CADM2: variants seen among roughly 807,000 people sequenced by gnomAD.
The protein encoded by CADM2 is cell adhesion molecule 2.
A neutral mutation model predicts 49.8 loss-of-function variants in CADM2; 12 were observed. The ratio of observed to expected loss-of-function variants is 0.24; its 90% CI spans 0.15 to 0.39. The LOEUF is 0.39. CADM2 is among the 10% of genes least tolerant of loss of function. The pLI, the probability that CADM2 is intolerant of heterozygous loss-of-function variation, is 1.00. For missense variants in CADM2, 378 were observed against 492.3 expected, an observed-to-expected ratio of 0.77 and a Z score of 2.20; for synonymous variants, 214 against 175.4, an observed-to-expected ratio of 1.22 and a Z score of -1.74.
chr3:85,411,156 G>C (rs1237229686), intron 1 of CADM2, among the ~76,000 whole-genome samples: 1 of 152,184 alleles, frequency 6.6e-6, no homozygotes, highest in Non-Finnish European at 1.5e-5. Context: ...GTTGTAAACT[G>C]ATCTATTGTG....
intron 3 of CADM2, among the ~76,000 whole-genome samples, chr3:85,821,069 AC>A (rs1449697072): frequency 1.3e-5 from 2 of 152,284 alleles, no homozygotes; most frequent in East Asian, 3.9e-4. Context: ...TTTGATGAGT[AC>A]CTATCCTTAT....
chr3:84,965,872 T>A (rs1369718816), intron 1 of CADM2, among the ~76,000 whole-genome samples: 1 of 152,184 alleles, frequency 6.6e-6, no homozygotes, highest in Non-Finnish European at 1.5e-5. Flanking sequence ...TTGTGTTATG[T>A]CACATCAATA....
At chr3:85,731,890 G>A (rs1172175515) in intron 2 of CADM2, among the ~76,000 whole-genome samples, 1 of 151,754 alleles carries the variant, frequency 6.6e-6, no homozygotes, top group East Asian at 1.9e-4. Context: ...AAGTAATGAG[G>A]CCATAATATA....
intron 1 of CADM2, among the ~76,000 whole-genome samples, chr3:85,263,194 G>A (rs922001921): frequency 6.6e-6 from 1 of 151,668 alleles, no homozygotes; most frequent in African/African-American, 2.4e-5. Context: ...GGGTTTCACC[G>A]TGTTGCCCAG....
chr3:85,368,272 T>C (rs1461514109), intron 1 of CADM2, among the ~76,000 whole-genome samples: 1 of 152,024 alleles, frequency 6.6e-6, no homozygotes, highest in African/African-American at 2.4e-5. Context: ...CTTCTGATGA[T>C]CTAATTTTAT....
chr3:85,625,359 C>T (rs753148203), intron 1 of CADM2, among the ~76,000 whole-genome samples: 9 of 151,844 alleles, frequency 5.9e-5, no homozygotes, highest in Non-Finnish European at 1.3e-4. Context: ...GCTATCTTAT[C>T]CATGGTTTTT....
intron 8 of CADM2, among the ~76,000 whole-genome samples, chr3:86,038,210 T>G (rs1735418219): frequency 2.6e-5 from 4 of 152,206 alleles, no homozygotes; most frequent in African/African-American, 9.7e-5. Flanking sequence ...ACTACATTGT[T>G]TTCTCAACTT....
At chr3:85,050,522 A>G (rs2035842717) in intron 1 of CADM2, among the ~76,000 whole-genome samples, 1 of 152,104 alleles carries the variant, frequency 6.6e-6, no homozygotes. Flanking sequence ...ATTTTATCTC[A>G]TTTGATATTA....
intron 3 of CADM2, among the ~76,000 whole-genome samples, chr3:85,813,767 T>C (rs1255610093): frequency 3.3e-5 from 5 of 152,164 alleles, no homozygotes; most frequent in Admixed American, 6.5e-5. Flanking sequence ...GGCTAGTCAG[T>C]TTTCCCAACA....
chr3:85,666,971 T>A (rs1161033638), intron 1 of CADM2, among the ~76,000 whole-genome samples: 1 of 152,058 alleles, frequency 6.6e-6, no homozygotes, highest in Non-Finnish European at 1.5e-5. Context: ...AAGATTTTAC[T>A]GCTAATGATA....
At chr3:85,895,301 C>A (rs748743132) in intron 5 of CADM2, among the ~76,000 whole-genome samples, 8 of 152,226 alleles carry the variant, frequency 5.3e-5, no homozygotes, top group Non-Finnish European at 1.2e-4. Context: ...CAAAGGAGAT[C>A]ATTTCAGAGC....
At chr3:84,979,005 C>T (rs2032002609) in intron 1 of CADM2, among the ~76,000 whole-genome samples, 1 of 152,168 alleles carries the variant, frequency 6.6e-6, no homozygotes, top group African/African-American at 2.4e-5. Context: ...TGGCTCCCCC[C>T]ATCACCCGGG....
chr3:85,148,300 A>T (rs890457572), intron 1 of CADM2, among the ~76,000 whole-genome samples: 1 of 152,198 alleles, frequency 6.6e-6, no homozygotes, highest in Non-Finnish European at 1.5e-5. Flanking sequence ...TAACAGGGCA[A>T]CTTCCTCCTT....
chr3:84,973,008 A>G (rs113414903), intron 1 of CADM2, among the ~76,000 whole-genome samples: 29 of 152,104 alleles, frequency 1.9e-4, no homozygotes, highest in African/African-American at 7.0e-4. Context: ...TCCGCCTCCC[A>G]GGTTCAAGCA....
chr3:85,811,966 A>G (rs1369955611), intron 3 of CADM2, among the ~76,000 whole-genome samples: 2 of 151,662 alleles, frequency 1.3e-5, no homozygotes, highest in African/African-American at 4.8e-5. Context: ...ACATCTAAGC[A>G]TATTTGATAG....
intron 1 of CADM2, among the ~76,000 whole-genome samples, chr3:85,311,652 A>G (rs1476313587): frequency 6.6e-6 from 1 of 152,120 alleles, no homozygotes; most frequent in Non-Finnish European, 1.5e-5. Context: ...CTGGGATTAC[A>G]GGCGTGAGCC....
intron 1 of CADM2, among the ~76,000 whole-genome samples, chr3:85,234,669 T>C (rs565886499): frequency 6.6e-6 from 1 of 152,288 alleles, no homozygotes; most frequent in South Asian, 2.1e-4. Flanking sequence ...TGGTAAATAC[T>C]GGTCAGTGAT....
chr3:85,568,478 T>TCTTC (rs1229531400), intron 1 of CADM2, among the ~76,000 whole-genome samples: 1 of 48,340 alleles, frequency 2.1e-5, no homozygotes, highest in African/African-American at 5.5e-5. Context: ...TCTCTCTCTT[T>TCTTC]CTTTCTTTCT....
chr3:85,701,839 G>A (rs2066763494), intron 1 of CADM2, among the ~76,000 whole-genome samples: 1 of 150,932 alleles, frequency 6.6e-6, no homozygotes, highest in Admixed American at 6.6e-5. Flanking sequence ...GTATAAATTG[G>A]TAAATGTGTC....
Sources: allele counts gnomAD v4.1 joint callset (sites outside exome capture counted in the v4.1 genomes callset), GRCh38; gene constraint gnomAD v4.1.1; transcripts MANE v1.5; gene names NCBI Gene and HGNC (gene_info 2026-07-23, HGNC 2026-07-21).